The following TAS2R1 variants were observed in gnomAD, a reference collection of about 807,000 sequenced individuals.
TAS2R1 encodes the protein taste 2 receptor member 1.
For synonymous variants in TAS2R1, 141 were observed against 134.2 expected, an observed-to-expected ratio of 1.05 and a Z score of -0.35; for missense variants, 370 against 353.4, an observed-to-expected ratio of 1.05 and a Z score of -0.38.
upstream of TAS2R1, among the ~76,000 whole-genome samples, chr5:9,632,463 A>T: frequency 6.6e-6 from 1 of 152,212 alleles, no homozygotes; most frequent in South Asian, 2.1e-4. Flanking sequence ...GCATTGATGA[A>T]CTCTTCCTTT....
At chr5:9,850,930 T>C in the TAS2R1 span, among the ~76,000 whole-genome samples, 242 of 152,156 alleles carry the variant, frequency 1.6e-3, no homozygotes, top group African/African-American at 5.3e-3. Context: ...AGGGGGAGAA[T>C]GAGAAAGAGC....
At chr5:9,795,534 G>A in the TAS2R1 span, among the ~76,000 whole-genome samples, 1 of 152,132 alleles carries the variant, frequency 6.6e-6, no homozygotes, top group Non-Finnish European at 1.5e-5. Context: ...GAGTCAGGAT[G>A]CCATTGGAGG....
chr5:9,893,356 C>A, the TAS2R1 span, among the ~76,000 whole-genome samples: 1 of 152,078 alleles, frequency 6.6e-6, no homozygotes, highest in Non-Finnish European at 1.5e-5. Context: ...ATCACCTGGG[C>A]CACCTGTGCT....
chr5:9,892,462 C>A, the TAS2R1 span, among the ~76,000 whole-genome samples: 1 of 152,166 alleles, frequency 6.6e-6, no homozygotes, highest in African/African-American at 2.4e-5. Context: ...GACTTTGCCT[C>A]ACCTTAGAAT....
intron 1 of TAS2R1, among the ~76,000 whole-genome samples, chr5:9,697,971 T>A (rs1271957600): frequency 6.6e-6 from 1 of 151,350 alleles, no homozygotes. Flanking sequence ...TCCAGGAAAA[T>A]TATTTAAAAA....
At chr5:9,877,837 T>C in the TAS2R1 span, among the ~76,000 whole-genome samples, 1 of 152,072 alleles carries the variant, frequency 6.6e-6, no homozygotes, top group Non-Finnish European at 1.5e-5. Flanking sequence ...CTTCCTCTTC[T>C]TTTTTTTGAA....
chr5:9,805,844 G>A, the TAS2R1 span, among the ~76,000 whole-genome samples: 1 of 151,958 alleles, frequency 6.6e-6, no homozygotes, highest in Admixed American at 6.6e-5. Context: ...AACAAGACAA[G>A]GATACCCAGG....
At chr5:9,691,411 G>A (rs1040761475) in intron 1 of TAS2R1, among the ~76,000 whole-genome samples, 1 of 152,252 alleles carries the variant, frequency 6.6e-6, no homozygotes, top group Non-Finnish European at 1.5e-5. Flanking sequence ...AGTTTCTGTT[G>A]TTCTAAGCCA....
At chr5:9,875,328 G>C in the TAS2R1 span, among the ~76,000 whole-genome samples, 1 of 152,180 alleles carries the variant, frequency 6.6e-6, no homozygotes, top group Non-Finnish European at 1.5e-5. Flanking sequence ...CTCAGCACCA[G>C]CCAAGTCAAA....
chr5:9,829,392 G>A, the TAS2R1 span, among the ~76,000 whole-genome samples: 1 of 152,208 alleles, frequency 6.6e-6, no homozygotes, highest in East Asian at 1.9e-4. Flanking sequence ...ACAGGGAAGG[G>A]ACCAGAGACA....
Position 9,630,036 on chromosome 5 carries a change from A to C in TAS2R1, c.-4T>G, listed in dbSNP as rs1430076669. 2.6e-6 allele frequency: 4 copies of C among 1,546,524 alleles called. No individual in the cohort carries two copies. The highest frequency in any genetic ancestry group is 8.7e-7 in the Non-Finnish European group (1 of 1,151,758). ...TAATGAGGTGAGACTCTAGCATTTT[A>C]GGAATAAAAAATTATTTACTTAAAA... On this transcript the variant is annotated 5_prime_UTR_variant, in exon 1 of 1. Coordinates refer to ENST00000382492, the MANE Select transcript of TAS2R1 (RefSeq NM_019599.3).
At chr5:9,857,118 G>C in the TAS2R1 span, among the ~76,000 whole-genome samples, 1 of 152,200 alleles carries the variant, frequency 6.6e-6, no homozygotes. Context: ...GCATAGAGTA[G>C]AATTGTGGTA....
chr5:9,815,380 T>C, the TAS2R1 span, among the ~76,000 whole-genome samples: 1 of 152,200 alleles, frequency 6.6e-6, no homozygotes, highest in Non-Finnish European at 1.5e-5. Flanking sequence ...ACCCTCTCTC[T>C]TCTTAATGCA....
chr5:9,812,801 C>T, the TAS2R1 span, among the ~76,000 whole-genome samples: 6 of 152,160 alleles, frequency 3.9e-5, no homozygotes, highest in African/African-American at 1.2e-4. Flanking sequence ...GCCATGTGGA[C>T]AGTCACTGGG....
At chr5:9,652,819 G>C (rs1740332844) in intron 2 of TAS2R1, among the ~76,000 whole-genome samples, 1 of 152,094 alleles carries the variant, frequency 6.6e-6, no homozygotes, top group Non-Finnish European at 1.5e-5. Flanking sequence ...GTGCAAATGA[G>C]ATATGCATTT....
chr5:9,715,953 C>T (rs776285433), upstream of TAS2R1, among the ~76,000 whole-genome samples: 4 of 152,282 alleles, frequency 2.6e-5, no homozygotes, highest in South Asian at 2.1e-4. Context: ...CAGCTACATA[C>T]GATTATGTTA....
At chr5:9,877,121 T>C in the TAS2R1 span, among the ~76,000 whole-genome samples, 38 of 152,356 alleles carry the variant, frequency 2.5e-4, no homozygotes, top group East Asian at 6.0e-3. Flanking sequence ...TACTCAGGTG[T>C]TAAACTCCTC....
the TAS2R1 span, among the ~76,000 whole-genome samples, chr5:9,722,634 T>C: frequency 2.0e-5 from 3 of 152,218 alleles, no homozygotes; most frequent in East Asian, 3.9e-4. Context: ...TTCTTTTTAC[T>C]TGTATTCAGT....
chr5:9,656,360 G>A (rs569012418), intron 2 of TAS2R1, among the ~76,000 whole-genome samples: 39 of 152,190 alleles, frequency 2.6e-4, no homozygotes, highest in African/African-American at 8.9e-4. Context: ...TGAACCAATC[G>A]CATATGTAGA....
Sources: gnomAD v4.1 joint callset for allele counts (sites outside exome capture counted in the v4.1 genomes callset) on GRCh38, gnomAD v4.1.1 for gene constraint, MANE v1.5 for transcripts, NCBI Gene and HGNC (gene_info 2026-07-23, HGNC 2026-07-21) for gene names.